Variants in ABCA12 observed in about 807,000 individuals in gnomAD.
ABCA12 encodes glucosylceramide transporter ABCA12.
ABCA12 carries 156 observed loss-of-function variants against 293.5 expected under a neutral mutation model. The ratio of observed to expected loss-of-function variants is 0.53; its 90% CI spans 0.47 to 0.61. ABCA12 has a LOEUF of 0.61. ABCA12 is among the 20% of genes least tolerant of loss of function. ABCA12 has a pLI of 0.00. For missense variants in ABCA12, 2,797 were observed against 3,090.2 expected (o/e 0.91, Z 2.25); for synonymous variants, 1,063 against 1,108.0 (o/e 0.96, Z 0.81).
At chr2:214,956,852 T>G in intron 41 of ABCA12, 74 bp from the exon 42 acceptor site, 5 of 1,058,824 alleles carry the variant, frequency 4.7e-6, no homozygotes, top group Non-Finnish European at 7.3e-6. Flanking sequence ...ATAACCCATC[T>G]AGTTTAAAAC....
At chr2:214,969,383 G>C (rs1403500610) in intron 37 of ABCA12, among the ~76,000 whole-genome samples, 3 of 151,974 alleles carry the variant, frequency 2.0e-5, no homozygotes, top group African/African-American at 7.2e-5. Context: ...TTAAGAATAG[G>C]TTAATTTAAC....
chr2:215,131,060 G>A lies in ABCA12; in HGVS notation c.69+7080C>T, dbSNP rs148136946. 1.8e-3 allele frequency among the ~76,000 whole-genome samples: 273 copies of A among 151,886 alleles called. 1 individual carries two copies. The highest frequency in any genetic ancestry group is 9.3e-3 in the East Asian group (48 of 5,174). ...TGGTGGATCATGTTTATTGATTTGT[G>A]TATATTGAGCCATCCTTGCTTCCCT... On this transcript the variant is annotated intron_variant, in intron 1 of 52. Coordinates refer to ENST00000272895, the MANE Select transcript of ABCA12 (RefSeq NM_173076.3).
chr2:214,978,223 G>A (rs1014624510), intron 33 of ABCA12, 93 bp downstream of exon 33: 10 of 1,435,880 alleles, frequency 7.0e-6, no homozygotes, highest in Non-Finnish European at 9.7e-6. Context: ...TGAAACTTTA[G>A]AGTTGAATTT....
At chr2:215,062,889 A>T (rs954533940) in intron 3 of ABCA12, among the ~76,000 whole-genome samples, 3 of 152,028 alleles carry the variant, frequency 2.0e-5, no homozygotes, top group African/African-American at 4.8e-5. Context: ...TATTTATTTG[A>T]TCATGCTGTT....
chr2:215,014,012 C>G (rs1336306985), intron 15 of ABCA12, among the ~76,000 whole-genome samples: 2 of 152,056 alleles, frequency 1.3e-5, no homozygotes, highest in East Asian at 1.9e-4. Context: ...ACAACCCCAT[C>G]CCTATTAAAA....
Position 214,937,565 on chromosome 2 carries a change from G to A in ABCA12, c.7487C>T (p.Thr2496Ile). 6.2e-7 allele frequency: 1 copy of A among 1,613,902 alleles called. No individual in the cohort carries two copies. The highest frequency in any genetic ancestry group is 8.5e-7 in the Non-Finnish European group (1 of 1,179,900). ...VKVHLKNNKV[T>I]METLTKFMQL... ...CATGAACTTTGTGAGGGTCTCCATG[G>A]TCACTTTGTTATTCTTCAAGTGAAC... is the stretch of plus-strand genomic sequence containing the variant. Residue 2496 changes from threonine (T) to isoleucine (I), a missense_variant, in exon 51 of 53, where the codon ACC becomes ATC. Transcript: ENST00000272895.
At chr2:215,077,839 C>G (rs979861746) in intron 2 of ABCA12, among the ~76,000 whole-genome samples, 1 of 152,138 alleles carries the variant, frequency 6.6e-6, no homozygotes, top group Admixed American at 6.5e-5. Context: ...AATCCGAGAT[C>G]GGACCTTTTA....
chr2:215,028,417 T>A lies in ABCA12; in HGVS notation c.1062-1479A>T, dbSNP rs544968136. ...TAAATACTATTCATAGTCTTTATAT[T>A]TTTTTAAAAAGTATCCATTTTACAA... is the stretch of plus-strand genomic sequence containing the variant. On this transcript the variant is annotated intron_variant, in intron 9 of 52. Transcript: ENST00000272895. Among the ~76,000 whole-genome samples, 5 of 152,318 alleles carry A rather than the reference T, an allele frequency of 3.3e-5. No individual in the cohort carries two copies. The South Asian group carries it at 1.0e-3, about 32-fold the overall frequency.
intron 1 of ABCA12, among the ~76,000 whole-genome samples, chr2:215,121,758 A>G (rs1702809384): frequency 6.6e-6 from 1 of 152,126 alleles, no homozygotes; most frequent in East Asian, 1.9e-4. Context: ...TGCTGTTCTC[A>G]TGATAGTGAA....
At position 215,012,223 on chromosome 2, in the gene ABCA12, A is replaced by C. The variant is rs182171966; in HGVS notation, c.1957-88T>G. ...GGTAAGGTTGTAGAAAGGTACAGCCACTTTGGAAAACATTTTTGAAGTTTA... is the reference window on the plus strand; with the variant it reads ...GGTAAGGTTGTAGAAAGGTACAGCCCCTTTGGAAAACATTTTTGAAGTTTA... On this transcript the variant is annotated intron_variant, in intron 15 of 52. Transcript: ENST00000272895. The C allele has an allele frequency of 2.9e-5, 35 of 1,201,144 alleles. 1 individual carries two copies. The Middle Eastern group carries it at 7.8e-4, about 27-fold the overall frequency. The allele number at this position is 1,201,144 out of a possible 1,614,324, so 74.4% of individuals were successfully genotyped here.
At chr2:215,100,313 C>T (rs1405661495) in intron 2 of ABCA12, among the ~76,000 whole-genome samples, 1 of 152,170 alleles carries the variant, frequency 6.6e-6, no homozygotes, top group African/African-American at 2.4e-5. Flanking sequence ...GTTCTGCCTC[C>T]AAGATCTCGA....
intron 23 of ABCA12, among the ~76,000 whole-genome samples, chr2:214,995,842 G>A (rs928331621): frequency 2.0e-5 from 3 of 151,974 alleles, no homozygotes; most frequent in Admixed American, 6.6e-5. Flanking sequence ...TTTAAAAAGG[G>A]GGGAAAATCA....
Position 215,077,927 on chromosome 2 carries a change from C to A in ABCA12, c.164-13708G>T, listed in dbSNP as rs1256112025. On this transcript the variant is annotated intron_variant, in intron 2 of 52. Coordinates refer to ENST00000272895, the MANE Select transcript of ABCA12 (RefSeq NM_173076.3). ...TTATGGGAAGATCACACACAAAAAACGTAAAGCACTAGATGCTCCTAACCA... is the reference window on the plus strand; with the variant it reads ...TTATGGGAAGATCACACACAAAAAAAGTAAAGCACTAGATGCTCCTAACCA... 2.0e-5 allele frequency among the ~76,000 whole-genome samples: 3 copies of A among 152,218 alleles called. 1 individual carries two copies. The South Asian group carries it at 6.2e-4, about 32-fold the overall frequency.
At chr2:214,976,999 T>C (rs1193556770) in intron 33 of ABCA12, among the ~76,000 whole-genome samples, 2 of 152,208 alleles carry the variant, frequency 1.3e-5, no homozygotes, top group African/African-American at 4.8e-5. Flanking sequence ...AATCATGATC[T>C]TCATTTAGCT....
At chr2:215,133,042 AATAG>A in intron 1 of ABCA12, among the ~76,000 whole-genome samples, 1 of 151,862 alleles carries the variant, frequency 6.6e-6, no homozygotes, top group Admixed American at 6.6e-5. Flanking sequence ...GGAGGCTAAA[AATAG>A]ATCCTCATCT....
chr2:215,044,276 A>G (rs1701159561), intron 7 of ABCA12, among the ~76,000 whole-genome samples: 2 of 152,276 alleles, frequency 1.3e-5, no homozygotes, highest in South Asian at 4.1e-4. Flanking sequence ...GCTAACTTGT[A>G]ATATATGACC....
chr2:215,123,428 C>T (rs963207941), intron 1 of ABCA12, among the ~76,000 whole-genome samples: 2 of 152,198 alleles, frequency 1.3e-5, no homozygotes, highest in African/African-American at 4.8e-5. Flanking sequence ...GCCTCAGCCT[C>T]CCACAGTGCT....
At chr2:215,076,851 G>T (rs1212673754) in intron 2 of ABCA12, among the ~76,000 whole-genome samples, 1 of 152,160 alleles carries the variant, frequency 6.6e-6, no homozygotes, top group East Asian at 1.9e-4. Flanking sequence ...AAAACATAAT[G>T]TTGAGCCCAA....
chr2:214,936,823 T>A (rs976402937), intron 51 of ABCA12, among the ~76,000 whole-genome samples: 9 of 152,076 alleles, frequency 5.9e-5, no homozygotes, highest in Admixed American at 3.9e-4. Context: ...TAAGAAGAAA[T>A]GACCTTGGTC....
Sources: allele counts gnomAD v4.1 joint callset (sites outside exome capture counted in the v4.1 genomes callset), GRCh38; gene constraint gnomAD v4.1.1; transcripts MANE v1.5; gene names NCBI Gene and HGNC (gene_info 2026-07-23, HGNC 2026-07-21).